Variants in ACTN4 observed in about 807,000 individuals in gnomAD.
ACTN4 encodes the protein actinin alpha 4.
ACTN4 carries 18 observed loss-of-function variants against 114.2 expected under a neutral mutation model. That is an observed-to-expected ratio of 0.16 (90% CI 0.11 to 0.23). The LOEUF (loss-of-function observed/expected upper bound fraction) is 0.23, where lower values mean the gene tolerates loss of function less well. ACTN4 is among the 10% of genes least tolerant of loss of function. The pLI, the probability that ACTN4 is intolerant of heterozygous loss-of-function variation, is 1.00. For missense variants in ACTN4, 722 were observed against 1,262.9 expected, an observed-to-expected ratio of 0.57 and a Z score of 6.49; for synonymous variants, 515 against 506.3, an observed-to-expected ratio of 1.02 and a Z score of -0.23.
chr19:38,649,435 T>C (rs2144811371), intron 1 of ACTN4, among the ~76,000 whole-genome samples: 1 of 152,168 alleles, frequency 6.6e-6, no homozygotes, highest in South Asian at 2.1e-4. Flanking sequence ...AAGCATTTCG[T>C]GGGATCTGGA....
At chr19:38,694,264 C>CCT (rs1555831370) in intron 1 of ACTN4, among the ~76,000 whole-genome samples, 1 of 143,794 alleles carries the variant, frequency 7.0e-6, no homozygotes, top group Non-Finnish European at 1.5e-5. Flanking sequence ...CTGGGGCCTT[C>CCT]TTTTTTTTTT....
rs1462339755 is a variant in ACTN4, at chr19:38,710,238, C to T, written c.734-19C>T. ...CCCCGCCCTACTCGGGCAGTTTAAC[C>T]CTTGTTGTTCACTTGCAGACATCGT... On this transcript the variant is annotated intron_variant, in intron 7 of 20. Transcript: ENST00000252699. 5.0e-6 allele frequency: 8 copies of T among 1,613,866 alleles called. No individual in the cohort carries two copies. The highest frequency in any genetic ancestry group is 6.8e-6 in the Non-Finnish European group (8 of 1,179,946).
At chr19:38,695,829 G>A (rs1025053788) in intron 1 of ACTN4, among the ~76,000 whole-genome samples, 8 of 151,826 alleles carry the variant, frequency 5.3e-5, no homozygotes, top group Non-Finnish European at 8.8e-5. Flanking sequence ...CTCACCAGTC[G>A]CTTGGTGCCC....
At chr19:38,659,677 A>G (rs1057443460) in intron 1 of ACTN4, among the ~76,000 whole-genome samples, 8 of 152,212 alleles carry the variant, frequency 5.3e-5, no homozygotes, top group Non-Finnish European at 1.0e-4. Flanking sequence ...CTCTGGGGCC[A>G]CAGGGTTAGC....
chr19:38,648,091 T>C (rs1479335279), intron 1 of ACTN4, 184 bp downstream of exon 1: 3 of 639,668 alleles, frequency 4.7e-6, no homozygotes, highest in Non-Finnish European at 7.1e-6. Flanking sequence ...GAGGAAGGAA[T>C]TGGGAATCTG....
At chr19:38,702,309 C>A (rs1044633935) in intron 3 of ACTN4, among the ~76,000 whole-genome samples, 1 of 152,232 alleles carries the variant, frequency 6.6e-6, no homozygotes, top group African/African-American at 2.4e-5. Context: ...TGGAACAAAG[C>A]CTAATGGAGG....
intron 1 of ACTN4, 136 bp from the exon 2 acceptor site, chr19:38,700,464 T>G: frequency 1.3e-6 from 1 of 745,542 alleles, no homozygotes; most frequent in Non-Finnish European, 2.4e-6. Flanking sequence ...GTATCGGCCA[T>G]GTACGGTGTG....
chr19:38,669,392 CTA>C (rs1967064669), intron 1 of ACTN4, among the ~76,000 whole-genome samples: 2 of 152,186 alleles, frequency 1.3e-5, no homozygotes, highest in Non-Finnish European at 2.9e-5. Flanking sequence ...GCCAAGGAAA[CTA>C]GAGTTTGGAG....
At chr19:38,683,712 C>T (rs1053892362) in intron 1 of ACTN4, among the ~76,000 whole-genome samples, 9 of 152,232 alleles carry the variant, frequency 5.9e-5, no homozygotes, top group Non-Finnish European at 1.3e-4. Flanking sequence ...AGTTAACATG[C>T]TGTCTTGTTG....
In ACTN4 at chr19:38,678,635, C is replaced by T. The variant is rs574326168; in HGVS notation, c.163-21965C>T. Among the ~76,000 whole-genome samples the T allele has an allele frequency of 7.9e-5, 12 of 152,290 alleles. No individual in the cohort carries two copies. The East Asian group carries it at 1.5e-3, about 20-fold the overall frequency. On this transcript the variant is annotated intron_variant, in intron 1 of 20. Coordinates refer to ENST00000252699, the MANE Select transcript of ACTN4 (RefSeq NM_004924.6). ...AATCTGATAGCTCCCTGGCTCTCTC[C>T]GGGCCATGGGACCCAGGGCGACACA... is the stretch of plus-strand genomic sequence containing the variant.
chr19:38,706,265 G>T (rs1968456269), intron 5 of ACTN4, 134 bp downstream of exon 5: 3 of 900,088 alleles, frequency 3.3e-6, no homozygotes, highest in Non-Finnish European at 3.6e-6. Context: ...CTGGCCACGG[G>T]CCCTACAAGC....
At chr19:38,674,460 A>G (rs1967311644) in intron 1 of ACTN4, among the ~76,000 whole-genome samples, 1 of 152,204 alleles carries the variant, frequency 6.6e-6, no homozygotes, top group African/African-American at 2.4e-5. Context: ...ACAACAGTGA[A>G]AAAAGAACTT....
In ACTN4 at chr19:38,730,130, CAAAAAAAAAAAAAATCACAAAAACA is replaced by C. The variant is rs1374289874; in HGVS notation, c.*705_*729del. ...AAAAAAAACACAAAACAACAAAAAC[CAAAAAAAAAAAAAATCACAAAAACA>C]AAAAAACTATAAAAAAGAAAGAATT... On this transcript the variant is annotated 3_prime_UTR_variant, in exon 21 of 21. Coordinates refer to ENST00000252699, the MANE Select transcript of ACTN4 (RefSeq NM_004924.6). 6.8e-4 allele frequency: 83 copies of C among 121,560 alleles called. No individual in the cohort carries two copies. Among genetic ancestry groups the C allele is most frequent in the Middle Eastern group, 4.1e-3 (1 of 244 alleles). The allele number at this position is 121,560 out of a possible 1,614,324, so 7.5% of individuals were successfully genotyped here. A position where few individuals can be genotyped will look rare whatever the true frequency, so the allele number is the denominator to read the frequency against.
At chr19:38,700,345 T>G (rs1303025043) in intron 1 of ACTN4, among the ~76,000 whole-genome samples, 1 of 152,148 alleles carries the variant, frequency 6.6e-6, no homozygotes, top group Non-Finnish European at 1.5e-5. Flanking sequence ...AAATCCAAGC[T>G]CTGCCACTTA....
In ACTN4 at chr19:38,727,839, C is replaced by T; in HGVS notation, c.2338-107C>T. 1.9e-6 allele frequency: 2 copies of T among 1,051,286 alleles called. No homozygotes were observed. Among genetic ancestry groups the T allele is most frequent in the Admixed American group, 4.0e-5 (2 of 50,250 alleles). The allele number at this position is 1,051,286 out of a possible 1,614,324, so 65.1% of individuals were successfully genotyped here. A position where few individuals can be genotyped will look rare whatever the true frequency, so the allele number is the denominator to read the frequency against. On this transcript the variant is annotated intron_variant, in intron 18 of 20. Transcript: ENST00000252699. This position sits in a 1 kb window ranked among gnomAD's most constrained non-coding sequence, Gnocchi z 5.4. Reference sequence around the variant, plus strand: ...CATGTTGCCTCTAACTCTGTGTTTCCCTCCCCTACGTGTCCCTTCCCCCTG... The same window carrying T: ...CATGTTGCCTCTAACTCTGTGTTTCTCTCCCCTACGTGTCCCTTCCCCCTG...
intron 1 of ACTN4, among the ~76,000 whole-genome samples, chr19:38,678,843 A>G (rs1002015673): frequency 3.3e-5 from 5 of 152,148 alleles, no homozygotes; most frequent in African/African-American, 1.2e-4. Context: ...TTCTCCTTTT[A>G]AATGCAACCT....
Position 38,717,013 on chromosome 19 carries a change from A to G in ACTN4, c.913-73A>G. On this transcript the variant is annotated intron_variant, in intron 9 of 20. Coordinates refer to ENST00000252699, the MANE Select transcript of ACTN4 (RefSeq NM_004924.6). The surrounding 1 kb of genome is among the most constrained non-coding windows in gnomAD (Gnocchi z 4.0). ...TCAAAGATCCAGATCCCATGTGCCC[A>G]TAAGCTGGGGGGCAGCCCGTCAGCA... The G allele has an allele frequency of 6.7e-7, 1 of 1,498,116 alleles. No homozygotes were observed. The highest frequency in any genetic ancestry group is 9.1e-7 in the Non-Finnish European group (1 of 1,099,892). The allele number at this position is 1,498,116 out of a possible 1,614,324, so 92.8% of individuals were successfully genotyped here.
At chr19:38,648,663 G>A (rs905169062) in intron 1 of ACTN4, among the ~76,000 whole-genome samples, 1 of 151,968 alleles carries the variant, frequency 6.6e-6, no homozygotes, top group African/African-American at 2.4e-5. Flanking sequence ...CGTTTTTGAA[G>A]GGGGTGAGAT....
intron 19 of ACTN4, 61 bp downstream of exon 19, chr19:38,728,087 C>T: frequency 1.9e-6 from 3 of 1,539,842 alleles, no homozygotes; most frequent in Non-Finnish European, 2.6e-6. Flanking sequence ...CTCTCTCCTT[C>T]TCTCTTTCTC....
Sources: allele counts gnomAD v4.1 joint callset (sites outside exome capture counted in the v4.1 genomes callset), GRCh38; gene constraint gnomAD v4.1.1; non-coding constraint Gnocchi (gnomAD v3.1); transcripts MANE v1.5; gene names NCBI Gene and HGNC (gene_info 2026-07-23, HGNC 2026-07-21).